The following RBM19 variants were observed in gnomAD, a reference collection of about 807,000 sequenced individuals.
The protein encoded by RBM19 is probable RNA-binding protein 19.
In RBM19, 94 loss-of-function variants were observed where a neutral mutation model predicts 116.8. The observed-to-expected ratio is 0.80, with a 90% CI of 0.68 to 0.95. The LOEUF (loss-of-function observed/expected upper bound fraction) is 0.95. Ranked by LOEUF, RBM19 falls within the 40% of genes least tolerant of loss-of-function variation. The pLI is 0.00. For missense variants in RBM19, 1,161 were observed against 1,220.7 expected, an observed-to-expected ratio of 0.95 and a Z score of 0.73; for synonymous variants, 475 against 494.1, an observed-to-expected ratio of 0.96 and a Z score of 0.51.
chr12:113,852,881 T>G (rs1466942892), intron 22 of RBM19, among the ~76,000 whole-genome samples: 1 of 152,250 alleles, frequency 6.6e-6, no homozygotes, highest in Admixed American at 6.5e-5. Context: ...TAAACAAACG[T>G]GTTGAACGCA....
intron 18 of RBM19, among the ~76,000 whole-genome samples, chr12:113,922,387 C>G (rs1868654625): frequency 6.6e-6 from 1 of 152,154 alleles, no homozygotes; most frequent in Non-Finnish European, 1.5e-5. Flanking sequence ...ACAGGGGTCT[C>G]AAATACAGGC....
At chr12:113,921,022 T>C (rs77553446) in intron 18 of RBM19, among the ~76,000 whole-genome samples, 1 of 152,150 alleles carries the variant, frequency 6.6e-6, no homozygotes, top group South Asian at 2.1e-4. Flanking sequence ...TGGCAAAACC[T>C]CTACCTGGGC....
At chr12:113,916,175 C>T (rs13377731) in intron 20 of RBM19, among the ~76,000 whole-genome samples, 10,785 of 152,194 alleles carry the variant, frequency 0.071, 1,270 homozygotes, top group African/African-American at 0.25. Flanking sequence ...CTTTGGGAGG[C>T]TTAGGTGGAT....
Position 113,893,764 on chromosome 12 carries a change from A to C in RBM19, c.2558+21205T>G, listed in dbSNP as rs539383366. On this transcript the variant is annotated intron_variant, in intron 21 of 23. Coordinates refer to ENST00000261741, the MANE Select transcript of RBM19 (RefSeq NM_016196.4). ...GGCAGCCTCTGCCATATGTGACTAAAATGAGAAAAATACAGGTTTTTGGCT... is the reference window on the plus strand; with the variant it reads ...GGCAGCCTCTGCCATATGTGACTAACATGAGAAAAATACAGGTTTTTGGCT... Among the ~76,000 whole-genome samples, 597 of 152,346 alleles carry C rather than the reference A, an allele frequency of 3.9e-3. 4 individuals are homozygous for C. Among genetic ancestry groups the C allele is most frequent in the Non-Finnish European group, 6.2e-3 (420 of 68,026 alleles).
At chr12:113,875,648 G>C (rs1879618806) in intron 21 of RBM19, among the ~76,000 whole-genome samples, 1 of 152,210 alleles carries the variant, frequency 6.6e-6, no homozygotes, top group South Asian at 2.1e-4. Context: ...ATAGGATTTG[G>C]GGTGTAGCAA....
rs1871941469 is a variant in RBM19, at chr12:113,956,396, T to C, written c.841-1185A>G. Among the ~76,000 whole-genome samples the C allele has an allele frequency of 2.0e-5, 3 of 151,526 alleles. No individual in the cohort carries two copies. The South Asian group carries it at 6.3e-4, about 32-fold the overall frequency. On this transcript the variant is annotated intron_variant, in intron 6 of 23. Transcript: ENST00000261741. Reference sequence around the variant, plus strand: ...AGGAGCTCAAGATCAGCCTGGACAATATGGTGAAACTCCATCTCTACTAAA... The same window carrying C: ...AGGAGCTCAAGATCAGCCTGGACAACATGGTGAAACTCCATCTCTACTAAA...
chr12:113,945,916 T>C lies in RBM19; in HGVS notation c.1538A>G (p.Asn513Ser), dbSNP rs750525363. ...QDKANSASSH[N>S]WNTLFMGPNA... is the part of the protein sequence containing the mutation. Reference sequence around the variant, plus strand: ...CGGCCCCATGAATAGTGTGTTCCAGTTGTGAGAGCTAAGAGGCAGAGGCAG... The same window carrying C: ...CGGCCCCATGAATAGTGTGTTCCAGCTGTGAGAGCTAAGAGGCAGAGGCAG... The change falls in exon 13 of 24, where the codon AAC becomes AGC. Residue 513 changes from asparagine (N) to serine (S), a missense_variant. By Grantham distance (46) the Asn-to-Ser change is conservative (BLOSUM62 1). Transcript: ENST00000261741. 3.6e-5 allele frequency: 56 copies of C among 1,573,446 alleles called. No homozygotes were observed. The highest frequency in any genetic ancestry group is 7.8e-5 in the South Asian group (7 of 90,154).
chr12:113,835,539 C>T (rs1875802357), intron 23 of RBM19, among the ~76,000 whole-genome samples: 1 of 152,078 alleles, frequency 6.6e-6, no homozygotes, highest in Non-Finnish European at 1.5e-5. Context: ...CAGTGGGGGC[C>T]GGGGTCAGTG....
At chr12:113,946,797 T>C (rs1307521139) in intron 11 of RBM19, among the ~76,000 whole-genome samples, 1 of 152,220 alleles carries the variant, frequency 6.6e-6, no homozygotes, top group Non-Finnish European at 1.5e-5. Context: ...GTGAGGTCCA[T>C]GCCGGTGGGG....
In RBM19 at chr12:113,945,833, C is replaced by A. The variant is rs1376671603; in HGVS notation, c.1621G>T (p.Asp541Tyr). ...KYNATKSQVFDHETKGSVAVR... is the reference protein window; with the variant it reads ...KYNATKSQVFYHETKGSVAVR... ...ACTGGTCGGCCCTTACTCACGTGGTCAAACACTTGACTCTTGGTGGCGTTG... is the reference window on the plus strand; with the variant it reads ...ACTGGTCGGCCCTTACTCACGTGGTAAAACACTTGACTCTTGGTGGCGTTG... The change falls in exon 13 of 24, where the codon GAC (aspartate) becomes TAC (tyrosine). Residue 541 changes from aspartate (D) to tyrosine (Y), a missense_variant. Coordinates refer to ENST00000261741, the MANE Select transcript of RBM19 (RefSeq NM_016196.4). 1.9e-6 allele frequency: 3 copies of A among 1,557,118 alleles called. No homozygotes were observed. The highest frequency in any genetic ancestry group is 3.3e-5 in the Admixed American group (2 of 59,896).
intron 2 of RBM19, 106 bp downstream of exon 2, chr12:113,962,126 A>G: frequency 7.4e-7 from 1 of 1,343,626 alleles, no homozygotes; most frequent in Non-Finnish European, 1.0e-6. Context: ...AAAACCAAAG[A>G]CATCACAAAG....
intron 22 of RBM19, among the ~76,000 whole-genome samples, chr12:113,848,314 A>G (rs1282895256): frequency 6.6e-6 from 1 of 152,196 alleles, no homozygotes; most frequent in Non-Finnish European, 1.5e-5. Flanking sequence ...GGTTCTCCAA[A>G]AATAGCAGAA....
intron 21 of RBM19, among the ~76,000 whole-genome samples, chr12:113,906,056 C>T (rs1483583768): frequency 1.3e-5 from 2 of 152,206 alleles, no homozygotes; most frequent in African/African-American, 4.8e-5. Flanking sequence ...TGGAAACCTG[C>T]CTGGAAATAA....
chr12:113,858,807 G>C lies in RBM19; in HGVS notation c.2648C>G (p.Thr883Ser). ...CGGTCTCACCTTCGCATCCTGCTTG[G>C]TGAGGAAGTCCACAAAGCCGAAGCC... ...HRGFGFVDFL[T>S]KQDAKRAFNA... Residue 883 changes from threonine (T) to serine (S), a missense_variant, in exon 22 of 24, where the codon ACC (threonine) becomes AGC (serine). Physicochemically the swap from Thr to Ser is moderately conservative, Grantham distance 58. Transcript: ENST00000261741. 3.7e-6 allele frequency: 6 copies of C among 1,614,130 alleles called. No homozygotes were observed. Among genetic ancestry groups the C allele is most frequent in the Non-Finnish European group, 5.1e-6 (6 of 1,180,034 alleles).
chr12:113,849,258 C>G (rs536274209), intron 22 of RBM19, among the ~76,000 whole-genome samples: 2 of 152,374 alleles, frequency 1.3e-5, no homozygotes, highest in South Asian at 4.1e-4. Flanking sequence ...AGGGAAGGCG[C>G]TCCATGCTTA....
intron 20 of RBM19, among the ~76,000 whole-genome samples, chr12:113,916,031 C>CT (rs917334431): frequency 1.3e-5 from 2 of 152,158 alleles, no homozygotes; most frequent in South Asian, 2.1e-4. Context: ...TGTTTCTTTT[C>CT]TTTTTTTTGT....
intron 17 of RBM19, 45 bp from the exon 18 acceptor site, chr12:113,924,802 A>G: frequency 6.7e-7 from 1 of 1,494,416 alleles, no homozygotes; most frequent in Non-Finnish European, 9.3e-7. Flanking sequence ...CTAAACCACT[A>G]TGCAGGCAAG....
In RBM19 at chr12:113,858,832, C is replaced by G; in HGVS notation, c.2623G>C (p.Gly875Arg). The change falls in exon 22 of 24, where the codon GGC becomes CGC. Residue 875 changes from glycine to arginine, a missense_variant. Gly to Arg is a moderately radical substitution (Grantham distance 125). Coordinates refer to ENST00000261741, the MANE Select transcript of RBM19 (RefSeq NM_016196.4). ...KKMTGTGTHR[G>R]FGFVDFLTKQ... ...GTGAGGAAGTCCACAAAGCCGAAGC[C>G]TCTGTGTGTGCCTGTCCCAGTCATC... 1 of 1,614,172 alleles carries G rather than the reference C, an allele frequency of 6.2e-7. No homozygotes were observed. The highest frequency in any genetic ancestry group is 8.5e-7 in the Non-Finnish European group (1 of 1,180,040).
chr12:113,854,025 T>C (rs1250987078), intron 22 of RBM19, among the ~76,000 whole-genome samples: 1 of 152,042 alleles, frequency 6.6e-6, no homozygotes, highest in East Asian at 1.9e-4. Flanking sequence ...GGCGTGGAGA[T>C]ACACAGAATT....
Sources: gnomAD v4.1 joint callset for allele counts (sites outside exome capture counted in the v4.1 genomes callset) on GRCh38, gnomAD v4.1.1 for gene constraint, MANE v1.5 for transcripts, NCBI Gene and HGNC (gene_info 2026-07-23, HGNC 2026-07-21) for gene names.